PSMD1: variants seen among roughly 807,000 people sequenced by gnomAD.
The protein encoded by PSMD1 is proteasome 26S subunit, non-ATPase 1.
Under a neutral mutation model 119.0 loss-of-function variants are expected in PSMD1, and 18 were observed. The ratio of observed to expected loss-of-function variants is 0.15; its 90% CI spans 0.10 to 0.22. The LOEUF (loss-of-function observed/expected upper bound fraction) is 0.22. Among genes scored for constraint, PSMD1 ranks in the 10% least tolerant of loss-of-function variants. The pLI, the probability that PSMD1 is intolerant of heterozygous loss-of-function variation, is 1.00. For synonymous variants in PSMD1, 374 were observed against 396.6 expected, an observed-to-expected ratio of 0.94 and a Z score of 0.68; for missense variants, 702 against 1,158.5, an observed-to-expected ratio of 0.61 and a Z score of 5.72.
At chr2:231,143,230 TTTGGTTTG>T (rs1184770359) in intron 17 of PSMD1, among the ~76,000 whole-genome samples, 1 of 145,324 alleles carries the variant, frequency 6.9e-6, no homozygotes, top group African/African-American at 2.5e-5. Context: ...TTTGGTTTGG[TTTGGTTTG>T]GTTTGGTTTA....
At chr2:231,110,295 C>T (rs1695113557) in intron 16 of PSMD1, among the ~76,000 whole-genome samples, 1 of 152,052 alleles carries the variant, frequency 6.6e-6, no homozygotes, top group African/African-American at 2.4e-5. Context: ...CCTCCACGCT[C>T]AGCGACAAAG....
At chr2:231,105,727 G>T (rs1323035104) in intron 16 of PSMD1, among the ~76,000 whole-genome samples, 1 of 151,960 alleles carries the variant, frequency 6.6e-6, no homozygotes, top group African/African-American at 2.4e-5. Flanking sequence ...GTGATTCCTT[G>T]AATATAAAAA....
At position 231,070,102 on chromosome 2, in the gene PSMD1, A is replaced by G; in HGVS notation, c.588A>G (p.Lys196=). The change falls in exon 6 of 25, where the codon AAA becomes AAG. Residue 196 remains lysine (K), a synonymous_variant. Coordinates refer to ENST00000308696, the MANE Select transcript of PSMD1 (RefSeq NM_002807.4). ...TGCAGAATAAACAGTTTCGGAATAA[A>G]GTACTAAGAGTTCTAGTTAAAATCT... ...SLMQNKQFRN[K]VLRVLVKIYM... 1 of 1,578,858 alleles carries G rather than the reference A, an allele frequency of 6.3e-7. No individual in the cohort carries two copies. The highest frequency in any genetic ancestry group is 8.6e-7 in the Non-Finnish European group (1 of 1,166,714).
intron 22 of PSMD1, among the ~76,000 whole-genome samples, chr2:231,165,649 A>G (rs1281903469): frequency 6.6e-6 from 1 of 152,168 alleles, no homozygotes; most frequent in Admixed American, 6.5e-5. Context: ...CTGCTGGTAG[A>G]AAAACCTTTT....
intron 19 of PSMD1, among the ~76,000 whole-genome samples, chr2:231,160,227 C>T (rs1453711560): frequency 6.6e-6 from 1 of 152,158 alleles, no homozygotes; most frequent in Non-Finnish European, 1.5e-5. Context: ...GTAGTGCTCT[C>T]GTTCAAGTGT....
In PSMD1 at chr2:231,085,022, C is replaced by T; in HGVS notation, c.1726C>T (p.Pro576Ser). 1 of 1,612,052 alleles carries T rather than the reference C, an allele frequency of 6.2e-7. No homozygotes were observed. Among genetic ancestry groups the T allele is most frequent in the South Asian group, 1.1e-5 (1 of 91,034 alleles). Residue 576 changes from proline (P) to serine (S), a missense_variant, in exon 15 of 25, where the codon CCA becomes TCA. This residue lies in a region of PSMD1 where 272 missense variants were observed against 511.6 expected (regional missense o/e 0.53). Coordinates refer to ENST00000308696, the MANE Select transcript of PSMD1 (RefSeq NM_002807.4). Reference protein sequence around the residue: ...LIESLCRDKDPILRRSGMYTV... With the variant: ...LIESLCRDKDSILRRSGMYTV... ...AATGTTAAATTATTTTTCTTAGGAC[C>T]CAATTCTTCGAAGGTCTGGAATGTA...
chr2:231,064,472 T>C (rs1232162505), intron 4 of PSMD1, among the ~76,000 whole-genome samples: 2 of 152,206 alleles, frequency 1.3e-5, no homozygotes, highest in Non-Finnish European at 2.9e-5. Flanking sequence ...CATACATTTT[T>C]CCCCTTCAGT....
intron 16 of PSMD1, among the ~76,000 whole-genome samples, chr2:231,126,378 G>A (rs1695721134): frequency 6.6e-6 from 1 of 152,064 alleles, no homozygotes; most frequent in African/African-American, 2.4e-5. Context: ...GGTCGAGGCT[G>A]CAGTGAGCTG....
chr2:231,064,746 A>G (rs911629355), intron 4 of PSMD1, among the ~76,000 whole-genome samples: 2 of 151,216 alleles, frequency 1.3e-5, no homozygotes, highest in African/African-American at 4.9e-5. Flanking sequence ...GCTCGCTGCA[A>G]CCTCCACCTC....
chr2:231,067,175 A>G (rs1693929150), intron 5 of PSMD1, 64 bp downstream of exon 5: 4 of 1,284,406 alleles, frequency 3.1e-6, no homozygotes, highest in East Asian at 2.5e-5. Flanking sequence ...AAGTTATTCA[A>G]ACTGAAACTT....
intron 16 of PSMD1, among the ~76,000 whole-genome samples, chr2:231,132,854 A>G (rs557227550): frequency 2.0e-5 from 3 of 152,344 alleles, no homozygotes; most frequent in African/African-American, 4.8e-5. Context: ...AAACAAGGCA[A>G]TTGGAAACAG....
chr2:231,156,993 C>G (rs1410100738), intron 19 of PSMD1, among the ~76,000 whole-genome samples: 1 of 152,128 alleles, frequency 6.6e-6, no homozygotes, highest in Non-Finnish European at 1.5e-5. Flanking sequence ...TTGAATAATA[C>G]ATTATGTAGC....
chr2:231,094,165 C>T (rs79034837), intron 16 of PSMD1, among the ~76,000 whole-genome samples: 5 of 151,826 alleles, frequency 3.3e-5, no homozygotes, highest in African/African-American at 7.3e-5. Flanking sequence ...AGGGTTAACA[C>T]GTGTTGAAGG....
intron 16 of PSMD1, among the ~76,000 whole-genome samples, chr2:231,106,005 A>G (rs1428119923): frequency 7.2e-6 from 1 of 138,476 alleles, no homozygotes; most frequent in Non-Finnish European, 1.5e-5. Context: ...TGGCAGTAAC[A>G]TGGAATAAAA....
rs530853282 is a variant in PSMD1, at chr2:231,127,591, G to C, written c.1884-11145G>C. Among the ~76,000 whole-genome samples, 80 of 152,132 alleles carry C rather than the reference G, an allele frequency of 5.3e-4. 1 individual carries two copies. Among genetic ancestry groups the C allele is most frequent in the Non-Finnish European group, 1.1e-3 (72 of 68,026 alleles). ...GATGGTCTCGAACTCTTGACCTCAA[G>C]TGATCGCCTGCCTCAGCCTCCCAAA... On this transcript the variant is annotated intron_variant, in intron 16 of 24. Coordinates refer to ENST00000308696, the MANE Select transcript of PSMD1 (RefSeq NM_002807.4).
At chr2:231,102,896 A>G (rs7595464) in intron 16 of PSMD1, among the ~76,000 whole-genome samples, 70,255 of 146,292 alleles carry the variant, frequency 0.48, 19,830 homozygotes, top group African/African-American at 0.79. Flanking sequence ...TAGCTTATTT[A>G]TTATATTTGT....
intron 18 of PSMD1, among the ~76,000 whole-genome samples, chr2:231,152,838 G>C (rs981956512): frequency 3.3e-5 from 5 of 152,062 alleles, no homozygotes; most frequent in Admixed American, 2.6e-4. Context: ...GCATAAAATA[G>C]TTTACTTATT....
rs537855510 is a variant in PSMD1, at chr2:231,131,300, C to T, written c.1884-7436C>T. ...CATGATGTTAGCAGTCGTTGATAAT[C>T]ATGCTGCGATCTATTCATTATATGT... On this transcript the variant is annotated intron_variant, in intron 16 of 24. Transcript: ENST00000308696. 5.3e-5 allele frequency among the ~76,000 whole-genome samples: 8 copies of T among 152,238 alleles called. No individual in the cohort carries two copies. The East Asian group carries it at 1.5e-3, about 29-fold the overall frequency.
intron 16 of PSMD1, among the ~76,000 whole-genome samples, chr2:231,093,046 G>C (rs1431029392): frequency 6.6e-6 from 1 of 152,150 alleles, no homozygotes; most frequent in Admixed American, 6.5e-5. Flanking sequence ...ATCCCTCCTA[G>C]CCAAGCAGTT....
Sources: gnomAD v4.1 joint callset for allele counts (sites outside exome capture counted in the v4.1 genomes callset) on GRCh38, gnomAD v4.1.1 for gene constraint, gnomAD v4.1.1 regional missense constraint, MANE v1.5 for transcripts, NCBI Gene and HGNC (gene_info 2026-07-23, HGNC 2026-07-21) for gene names.